DAB1: variants seen among roughly 807,000 people sequenced by gnomAD.
The protein encoded by DAB1 is disabled homolog 1.
A neutral mutation model predicts 64.6 loss-of-function variants in DAB1; 15 were observed. The observed-to-expected ratio is 0.23, with a 90% confidence interval of 0.16 to 0.36. DAB1 has a LOEUF of 0.36. Ranked by LOEUF, DAB1 falls within the 10% of genes least tolerant of loss-of-function variation. The probability of loss-of-function intolerance (pLI) is 1.00; values close to 1 mark genes in which losing one functional copy is unlikely to be tolerated. For synonymous variants in DAB1, 235 were observed against 251.9 expected (o/e 0.93, Z 0.64); for missense variants, 596 against 706.7 (o/e 0.84, Z 1.78).
chr1:57,286,762 G>C (rs555673680), intron 2 of DAB1, among the ~76,000 whole-genome samples: 45 of 152,200 alleles, frequency 3.0e-4, no homozygotes, highest in African/African-American at 9.6e-4. Context: ...CACAAGGTTT[G>C]TCCCAGAAAA....
At chr1:57,940,825 T>C (rs976165392) in intron 5 of DAB1, among the ~76,000 whole-genome samples, 1 of 152,200 alleles carries the variant, frequency 6.6e-6, no homozygotes, top group Non-Finnish European at 1.5e-5. Context: ...CTAGAGACAG[T>C]TGCTTACCAA....
At chr1:57,055,032 C>T (rs1195405277) in intron 9 of DAB1, among the ~76,000 whole-genome samples, 4 of 152,210 alleles carry the variant, frequency 2.6e-5, no homozygotes, top group Non-Finnish European at 4.4e-5. Flanking sequence ...CAAGGCTTTG[C>T]TCAATTAATT....
intron 2 of DAB1, among the ~76,000 whole-genome samples, chr1:57,215,183 CA>C (rs1666334517): frequency 6.6e-6 from 1 of 152,112 alleles, no homozygotes; most frequent in Non-Finnish European, 1.5e-5. Flanking sequence ...GCTGCAATCT[CA>C]CAGCTTCCCT....
chr1:58,319,395 G>T (rs1662632389), intron 4 of DAB1, among the ~76,000 whole-genome samples: 1 of 152,142 alleles, frequency 6.6e-6, no homozygotes, highest in Non-Finnish European at 1.5e-5. Context: ...ACTTGAACTA[G>T]CTTTAAAAGG....
chr1:57,484,031 G>C (rs182655218), intron 7 of DAB1, among the ~76,000 whole-genome samples: 1 of 152,306 alleles, frequency 6.6e-6, no homozygotes, highest in Admixed American at 6.5e-5. Context: ...CAAGGGAGAG[G>C]TGGGGGCAAG....
chr1:58,544,355 T>TA (rs1363394987), intron 1 of DAB1, among the ~76,000 whole-genome samples: 3 of 152,068 alleles, frequency 2.0e-5, no homozygotes, highest in African/African-American at 7.2e-5. Context: ...AAAACAGATT[T>TA]TAAAAAACCC....
At chr1:57,484,075 G>GA (rs1644059686) in intron 7 of DAB1, among the ~76,000 whole-genome samples, 1 of 152,168 alleles carries the variant, frequency 6.6e-6, no homozygotes, top group Admixed American at 6.5e-5. Context: ...TGGAAGAAGT[G>GA]AAAGTGCATG....
chr1:57,060,396 C>T (rs1292949279), intron 9 of DAB1, among the ~76,000 whole-genome samples: 2 of 152,128 alleles, frequency 1.3e-5, no homozygotes, highest in South Asian at 4.2e-4. Context: ...ATGATCTGCT[C>T]GCCTCGGCCT....
intron 3 of DAB1, among the ~76,000 whole-genome samples, chr1:58,373,076 T>A (rs6658291): frequency 0.094 from 14,232 of 152,154 alleles, 688 homozygotes; most frequent in Middle Eastern, 0.17. Context: ...TACTACTTTT[T>A]GTAGTTCTCC....
At chr1:58,225,845 G>A (rs1289089156) in intron 4 of DAB1, among the ~76,000 whole-genome samples, 1 of 149,506 alleles carries the variant, frequency 6.7e-6, no homozygotes, top group Admixed American at 6.7e-5. Flanking sequence ...AGCATTAGGA[G>A]ATAGACCTAA....
At chr1:57,226,672 A>AAAAAAAAAATATATATATATATAT (rs747021990) in intron 2 of DAB1, among the ~76,000 whole-genome samples, 16 of 136,006 alleles carry the variant, frequency 1.2e-4, no homozygotes, top group African/African-American at 4.6e-4. Context: ...TTAAAAAAAA[A>AAAAAAAAAATATATATATATATAT]ATATATATAT....
rs116485321 is a variant in DAB1 at position 57,724,044 on chromosome 1, G to A, written n.552-74379C>T. 2.0e-3 allele frequency among the ~76,000 whole-genome samples: 309 copies of A among 152,262 alleles called. 2 individuals are homozygous for A. Among genetic ancestry groups the A allele is most frequent in the African/African-American group, 6.0e-3 (250 of 41,574 alleles). ...ATTAGCTAGGAAGGAAACGCAGAAC[G>A]TTTATAGCTATGAATCAGAGACAAG... On this transcript the variant is annotated intron_variant and non_coding_transcript_variant, in intron 6 of 20. Coordinates refer to the DAB1 transcript ENST00000485760.
intron 7 of DAB1, among the ~76,000 whole-genome samples, chr1:57,443,553 C>A (rs999233138): frequency 1.3e-5 from 2 of 152,224 alleles, no homozygotes; most frequent in African/African-American, 4.8e-5. Flanking sequence ...ACTCTACCAA[C>A]CTACTCCAAC....
intron 5 of DAB1, among the ~76,000 whole-genome samples, chr1:58,114,584 C>T (rs1652205538): frequency 1.3e-5 from 2 of 152,130 alleles, no homozygotes; most frequent in Admixed American, 1.3e-4. Context: ...ACTGTTATGC[C>T]CATTTATTTA....
At chr1:57,937,353 T>A (rs1456016900) in intron 5 of DAB1, among the ~76,000 whole-genome samples, 1 of 152,070 alleles carries the variant, frequency 6.6e-6, no homozygotes, top group East Asian at 1.9e-4. Context: ...TAGAATCTCT[T>A]AGCTAGCATT....
intron 2 of DAB1, among the ~76,000 whole-genome samples, chr1:57,199,476 A>G (rs1203538009): frequency 2.6e-5 from 4 of 152,112 alleles, no homozygotes; most frequent in African/African-American, 9.7e-5. Context: ...TTGTCTTCTG[A>G]TGGAAAACTA....
chr1:57,583,655 A>G (rs774126246), intron 7 of DAB1, among the ~76,000 whole-genome samples: 2 of 152,206 alleles, frequency 1.3e-5, no homozygotes, highest in Non-Finnish European at 2.9e-5. Context: ...GGCCAGATTC[A>G]GCTTAGCAGT....
chr1:58,506,248 T>G, intron 2 of DAB1: 1 of 821,932 alleles, frequency 1.2e-6, no homozygotes, highest in South Asian at 1.5e-5. Context: ...ATGAGCTCAG[T>G]TTTGAGGATT....
chr1:58,530,973 A>T (rs1646426155), intron 1 of DAB1, among the ~76,000 whole-genome samples: 1 of 152,214 alleles, frequency 6.6e-6, no homozygotes, highest in Admixed American at 6.5e-5. Context: ...CAGAGGATAT[A>T]AACCTACAAT....
Sources: gnomAD v4.1 joint callset for allele counts (sites outside exome capture counted in the v4.1 genomes callset) on GRCh38, gnomAD v4.1.1 for gene constraint, MANE v1.5 for transcripts, NCBI Gene and HGNC (gene_info 2026-07-23, HGNC 2026-07-21) for gene names.